RHAG: variants seen among roughly 807,000 people sequenced by gnomAD.
RHAG encodes the protein ammonium transporter Rh type A.
In RHAG, 25 loss-of-function variants were observed where a neutral mutation model predicts 42.4. That is an observed-to-expected ratio of 0.59 (90% CI 0.43 to 0.82). The LOEUF is 0.82. Among genes scored for constraint, RHAG ranks in the 40% least tolerant of loss-of-function variants. The pLI is 0.00. For synonymous variants in RHAG, 182 were observed against 177.7 expected, an observed-to-expected ratio of 1.02 and a Z score of -0.19; for missense variants, 483 against 504.6, an observed-to-expected ratio of 0.96 and a Z score of 0.41.
At chr6:49,633,098 A>T (rs916176011) in intron 1 of RHAG, among the ~76,000 whole-genome samples, 1 of 152,220 alleles carries the variant, frequency 6.6e-6, no homozygotes, top group African/African-American at 2.4e-5. Context: ...CTGTTTAAAA[A>T]AGCACGACAG....
chr6:49,609,909 G>A (rs927672646), intron 7 of RHAG, among the ~76,000 whole-genome samples: 1 of 152,074 alleles, frequency 6.6e-6, no homozygotes, highest in South Asian at 2.1e-4. Context: ...ATGAGTTAAT[G>A]TCCTTTGCAG....
At chr6:49,623,345 TATAAACAACTAGG>T (rs1762794891) in intron 1 of RHAG, among the ~76,000 whole-genome samples, 2 of 152,210 alleles carry the variant, frequency 1.3e-5, no homozygotes, top group African/African-American at 4.8e-5. Context: ...TAAAAAGGTT[TATAAACAACTAGG>T]ATTATTGCAT....
intron 1 of RHAG, among the ~76,000 whole-genome samples, chr6:49,631,450 A>G (rs1304365077): frequency 2.6e-5 from 4 of 152,136 alleles, no homozygotes; most frequent in Non-Finnish European, 4.4e-5. Flanking sequence ...CAATATTTCT[A>G]TGGGCTTATT....
At chr6:49,630,007 G>C (rs1018871264) in intron 1 of RHAG, among the ~76,000 whole-genome samples, 5 of 152,202 alleles carry the variant, frequency 3.3e-5, no homozygotes, top group African/African-American at 1.2e-4. Flanking sequence ...CAGTGCCCTG[G>C]TGGGCTGAAG....
chr6:49,609,781 A>G (rs1413932350), intron 7 of RHAG, among the ~76,000 whole-genome samples: 2 of 152,212 alleles, frequency 1.3e-5, no homozygotes, highest in African/African-American at 4.8e-5. Flanking sequence ...TTTTCTTTTT[A>G]AATTATGCAC....
intron 1 of RHAG, among the ~76,000 whole-genome samples, chr6:49,630,741 C>T (rs977258151): frequency 1.3e-5 from 2 of 152,116 alleles, no homozygotes; most frequent in Non-Finnish European, 2.9e-5. Flanking sequence ...AAGTAAAATA[C>T]CATACAATTC....
chr6:49,616,635 C>G (rs1213693911), intron 3 of RHAG, among the ~76,000 whole-genome samples: 1 of 152,056 alleles, frequency 6.6e-6, no homozygotes, highest in Non-Finnish European at 1.5e-5. Context: ...CTCAAAGGGT[C>G]AAATTGTACT....
At chr6:49,627,293 C>T (rs533915171) in intron 1 of RHAG, among the ~76,000 whole-genome samples, 4 of 152,116 alleles carry the variant, frequency 2.6e-5, no homozygotes, top group African/African-American at 9.7e-5. Flanking sequence ...ACTAGATACC[C>T]TAAATCATCT....
chr6:49,606,789 G>T, intron 9 of RHAG, 59 bp downstream of exon 9: 1 of 1,171,788 alleles, frequency 8.5e-7, no homozygotes, highest in Non-Finnish European at 1.3e-6. Flanking sequence ...CTTGAAGTGT[G>T]TAAAGCTTTC....
chr6:49,624,584 C>A (rs1057185419), intron 1 of RHAG, among the ~76,000 whole-genome samples: 2 of 152,202 alleles, frequency 1.3e-5, no homozygotes, highest in African/African-American at 4.8e-5. Context: ...ATATTCCATT[C>A]TAATTGTTTA....
intron 1 of RHAG, among the ~76,000 whole-genome samples, chr6:49,619,977 A>G (rs2127354076): frequency 6.6e-6 from 1 of 152,324 alleles, no homozygotes; most frequent in South Asian, 2.1e-4. Flanking sequence ...GTCTCCATTT[A>G]TCAAATATGT....
chr6:49,628,274 G>A (rs1442439996), intron 1 of RHAG, among the ~76,000 whole-genome samples: 1 of 151,964 alleles, frequency 6.6e-6, no homozygotes. Context: ...CTGAGTAGCT[G>A]GGATTACAGG....
intron 1 of RHAG, among the ~76,000 whole-genome samples, chr6:49,626,963 G>A (rs535717225): frequency 3.3e-4 from 51 of 152,244 alleles, no homozygotes; most frequent in Non-Finnish European, 5.9e-4. Flanking sequence ...CTGGGATACA[G>A]AGCACCATGT....
chr6:49,618,312 C>T, intron 2 of RHAG, 94 bp from the exon 3 acceptor site: 1 of 1,334,844 alleles, frequency 7.5e-7, no homozygotes. Context: ...ACATCCAGTG[C>T]TTCCCAGGCT....
rs911165096 is a variant in RHAG at position 49,615,063 on chromosome 6, T to G, written c.641-210A>C. 6.3e-5 allele frequency: 34 copies of G among 539,386 alleles called. 1 individual carries two copies. Among genetic ancestry groups the G allele is most frequent in the Middle Eastern group, 5.1e-4 (1 of 1,950 alleles). The allele number at this position is 539,386 out of a possible 1,614,324, so 33.4% of individuals were successfully genotyped here. A position where few individuals can be genotyped will look rare whatever the true frequency, so the allele number is the denominator to read the frequency against. On this transcript the variant is annotated intron_variant, in intron 4 of 9. Coordinates refer to ENST00000371175, the MANE Select transcript of RHAG (RefSeq NM_000324.3). ...CTCAGGTTCAAGCAATTCTTCTGCT[T>G]CAGCCTCCTGAGTAGCTGGGATTAC...
At chr6:49,620,722 G>T (rs1762742642) in intron 1 of RHAG, among the ~76,000 whole-genome samples, 1 of 152,144 alleles carries the variant, frequency 6.6e-6, no homozygotes, top group Non-Finnish European at 1.5e-5. Context: ...GTAGAGATGA[G>T]ATTTCACCAT....
chr6:49,605,798 GA>G lies in RHAG; in HGVS notation c.*14del. 1 of 1,612,308 alleles carries G rather than the reference GA, an allele frequency of 6.2e-7. No homozygotes were observed. Among genetic ancestry groups the G allele is most frequent in the Middle Eastern group, 1.7e-4 (1 of 6,048 alleles). ...GCTGGCTGTGGTCACCATGTCCATG[GA>G]ACTGATTGTCAAGTTATCTCGTCTT... On this transcript the variant is annotated 3_prime_UTR_variant, in exon 10 of 10. Coordinates refer to ENST00000371175, the MANE Select transcript of RHAG (RefSeq NM_000324.3).
chr6:49,629,044 A>G (rs1762890843), intron 1 of RHAG, among the ~76,000 whole-genome samples: 1 of 152,040 alleles, frequency 6.6e-6, no homozygotes, highest in African/African-American at 2.4e-5. Context: ...TGATTGGTGC[A>G]TTTACAATCC....
chr6:49,607,428 T>C (rs9463517), intron 7 of RHAG, among the ~76,000 whole-genome samples: 17,147 of 152,210 alleles, frequency 0.11, 1,513 homozygotes, highest in African/African-American at 0.25. Flanking sequence ...AGATACACCT[T>C]AAAGAAGAGA....
Sources: allele counts gnomAD v4.1 joint callset (sites outside exome capture counted in the v4.1 genomes callset), GRCh38; gene constraint gnomAD v4.1.1; transcripts MANE v1.5; gene names NCBI Gene and HGNC (gene_info 2026-07-23, HGNC 2026-07-21).